Variants in COLQ observed in about 807,000 individuals in gnomAD.
COLQ encodes the protein acetylcholinesterase collagenic tail peptide.
A neutral mutation model predicts 69.0 loss-of-function variants in COLQ; 48 were observed. The observed-to-expected ratio is 0.70, with a 90% CI of 0.55 to 0.88. COLQ has a LOEUF of 0.88. Among genes scored for constraint, COLQ ranks in the 40% least tolerant of loss-of-function variants. The probability of loss-of-function intolerance (pLI) is 0.00; values close to 1 mark genes in which losing one functional copy is unlikely to be tolerated. For synonymous variants in COLQ, 217 were observed against 211.2 expected (o/e 1.03, Z -0.24); for missense variants, 618 against 594.6 (o/e 1.04, Z -0.41).
At chr3:15,500,437 A>G (rs909755074) in intron 1 of COLQ, among the ~76,000 whole-genome samples, 4 of 152,144 alleles carry the variant, frequency 2.6e-5, no homozygotes, top group African/African-American at 9.7e-5. Context: ...TTCACACCAA[A>G]AGCACTTACT....
At chr3:15,491,237 T>C (rs556741771) in intron 1 of COLQ, among the ~76,000 whole-genome samples, 1 of 152,288 alleles carries the variant, frequency 6.6e-6, no homozygotes, top group Non-Finnish European at 1.5e-5. Flanking sequence ...AATGCATGTA[T>C]TAAAATGTTC....
chr3:15,466,326 C>T lies in COLQ; in HGVS notation c.814+15G>A, dbSNP rs779982554. 1 of 1,589,014 alleles carries T rather than the reference C, an allele frequency of 6.3e-7. No individual in the cohort carries two copies. The highest frequency in any genetic ancestry group is 1.1e-5 in the South Asian group (1 of 90,522). The stretch of plus-strand genomic sequence containing the variant: ...TACTCCAACAGTGGATCAAGTGAAG[C>T]AGTGTAGCTCTTACCTGCAGGTGGG... On this transcript the variant is annotated intron_variant, in intron 12 of 16. Coordinates refer to ENST00000383788, the MANE Select transcript of COLQ (RefSeq NM_005677.4).
intron 3 of COLQ, among the ~76,000 whole-genome samples, chr3:15,486,635 C>T (rs890966035): frequency 4.6e-5 from 7 of 152,148 alleles, no homozygotes; most frequent in African/African-American, 1.4e-4. Context: ...GATAGAAATG[C>T]ACCTCCGAGG....
chr3:15,507,745 G>A (rs1174042621), intron 1 of COLQ, among the ~76,000 whole-genome samples: 2 of 152,184 alleles, frequency 1.3e-5, no homozygotes, highest in African/African-American at 4.8e-5. Flanking sequence ...GTGAGCCACT[G>A]CACCTAGCCT....
rs1017409793 is a variant in COLQ at position 15,458,416 on chromosome 3, A to T, written c.815-91T>A. 24 of 1,447,020 alleles carry T rather than the reference A, an allele frequency of 1.7e-5. No individual in the cohort carries two copies. The East Asian group carries it at 1.8e-4, about 11-fold the overall frequency. 89.6% of individuals were successfully genotyped at this position (1,447,020 alleles called of 1,614,324 possible). A position where few individuals can be genotyped will look rare whatever the true frequency, so the allele number is the denominator to read the frequency against. On this transcript the variant is annotated intron_variant, in intron 12 of 16. Transcript: ENST00000383788. ...GTGAGCGACCTTTGCAACAGAAAAA[A>T]GGTTAAAGTCCACAGCATTTCAGGG... is the stretch of plus-strand genomic sequence containing the variant.
intron 1 of COLQ, among the ~76,000 whole-genome samples, chr3:15,505,946 C>G (rs532185616): frequency 6.6e-6 from 1 of 152,236 alleles, no homozygotes; most frequent in Non-Finnish European, 1.5e-5. Flanking sequence ...CTGCACCCCC[C>G]ATCCCACCTC....
At chr3:15,454,662 T>A (rs994593010) in intron 15 of COLQ, among the ~76,000 whole-genome samples, 5 of 148,682 alleles carry the variant, frequency 3.4e-5, no homozygotes, top group African/African-American at 1.0e-4. Context: ...TTTTTTTTTT[T>A]TTTTTTTTTT....
intron 1 of COLQ, among the ~76,000 whole-genome samples, chr3:15,500,070 C>T (rs1033735658): frequency 3.9e-5 from 6 of 152,058 alleles, no homozygotes; most frequent in African/African-American, 7.2e-5. Context: ...AAATGGGTAA[C>T]GGTTGAGGGG....
chr3:15,473,895 C>T lies in COLQ; in HGVS notation c.636+105G>A. On this transcript the variant is annotated intron_variant, in intron 10 of 16. Transcript: ENST00000383788. This position sits in a 1 kb window ranked among gnomAD's most constrained non-coding sequence, Gnocchi z 4.0. ...AAAATAGAAGTTTCCATGGTTAAAC[C>T]CACCATCCCTGCCTGATAGACAAGG... 1 of 1,288,176 alleles carries T rather than the reference C, an allele frequency of 7.8e-7. No homozygotes were observed. The allele number at this position is 1,288,176 out of a possible 1,614,324, so 79.8% of individuals were successfully genotyped here. A position where few individuals can be genotyped will look rare whatever the true frequency, so the allele number is the denominator to read the frequency against.
chr3:15,478,998 C>T lies in COLQ; in HGVS notation c.372G>A (p.Glu124=). The change falls in exon 5 of 17, where the codon GAG becomes GAA. Residue 124 remains glutamate, a synonymous_variant. Transcript: ENST00000383788. Reference sequence around the variant, plus strand: ...ATACCTTCCTTCCTGGTCGGCCAAGCTCCCCCTATGGATGGAGAAGACAGG... The same window carrying T: ...ATACCTTCCTTCCTGGTCGGCCAAGTTCCCCCTATGGATGGAGAAGACAGG... The part of the protein sequence containing the change: ...GKTGPKGEKG[E]LGRPGRKGRP... 2 of 1,614,218 alleles carry T rather than the reference C, an allele frequency of 1.2e-6. No individual in the cohort carries two copies. Among genetic ancestry groups the T allele is most frequent in the African/African-American group, 1.3e-5 (1 of 75,026 alleles).
intron 1 of COLQ, among the ~76,000 whole-genome samples, chr3:15,504,705 C>T (rs2062882090): frequency 6.6e-6 from 1 of 152,092 alleles, no homozygotes; most frequent in South Asian, 2.1e-4. Context: ...CTAAAAAATA[C>T]AAAAATTAGC....
In COLQ at chr3:15,451,397, C is replaced by T. The variant is rs551512511; in HGVS notation, c.*247G>A. Reference sequence around the variant, plus strand: ...AGCCGGTTGTTTGGCCAAATGGTAGCGATGGGGAACAGGTCTCAGGTTGGG... The same window carrying T: ...AGCCGGTTGTTTGGCCAAATGGTAGTGATGGGGAACAGGTCTCAGGTTGGG... On this transcript the variant is annotated 3_prime_UTR_variant, in exon 17 of 17. Transcript: ENST00000383788. The T allele has an allele frequency of 9.1e-5, 59 of 647,094 alleles. No individual in the cohort carries two copies. Among genetic ancestry groups the T allele is most frequent in the Admixed American group, 5.2e-4 (22 of 42,272 alleles). 40.1% of individuals were successfully genotyped at this position (647,094 alleles called of 1,614,324 possible).
At chr3:15,483,329 T>C (rs2062523068) in intron 3 of COLQ, among the ~76,000 whole-genome samples, 1 of 152,222 alleles carries the variant, frequency 6.6e-6, no homozygotes, top group South Asian at 2.1e-4. Context: ...AGATCTTTCC[T>C]GCTTTCTCTT....
At chr3:15,475,065 G>A (rs748964215) in intron 7 of COLQ, 114 bp from the exon 8 acceptor site, 24 of 1,122,410 alleles carry the variant, frequency 2.1e-5, no homozygotes, top group Non-Finnish European at 3.3e-5. Context: ...ACATTGCACT[G>A]TGAGTTTTAG....
intron 12 of COLQ, 42 bp downstream of exon 12, chr3:15,466,299 A>G: frequency 7.0e-7 from 1 of 1,437,018 alleles, no homozygotes; most frequent in Non-Finnish European, 9.8e-7. Flanking sequence ...GAGGCTGGCC[A>G]GTACTCCAAC....
intron 1 of COLQ, among the ~76,000 whole-genome samples, chr3:15,520,595 G>C (rs2125195689): frequency 6.6e-6 from 1 of 152,340 alleles, no homozygotes; most frequent in East Asian, 1.9e-4. Flanking sequence ...GCTGGGGAGA[G>C]TCAGGGGTCA....
Position 15,455,777 on chromosome 3 carries a change from G to A in COLQ, c.1195+122C>T, listed in dbSNP as rs1055797262. 6.7e-6 allele frequency: 9 copies of A among 1,347,096 alleles called. No individual in the cohort carries two copies. The East Asian group carries it at 1.7e-4, about 26-fold the overall frequency. The allele number at this position is 1,347,096 out of a possible 1,614,324, so 83.4% of individuals were successfully genotyped here. On this transcript the variant is annotated intron_variant, in intron 15 of 16. Transcript: ENST00000383788. Reference sequence around the variant, plus strand: ...GGGGTGGGTGGCACAAGGTGGCCTGGGTATACCCTTCTCTGGCTCTAGAAA... The same window carrying A: ...GGGGTGGGTGGCACAAGGTGGCCTGAGTATACCCTTCTCTGGCTCTAGAAA...
intron 12 of COLQ, among the ~76,000 whole-genome samples, chr3:15,464,539 T>C (rs1241502129): frequency 2.0e-5 from 3 of 152,172 alleles, no homozygotes; most frequent in Non-Finnish European, 4.4e-5. Flanking sequence ...TTTGGCATCC[T>C]AGTAGGTTGG....
chr3:15,485,477 C>T (rs374667777), intron 3 of COLQ, among the ~76,000 whole-genome samples: 3 of 152,210 alleles, frequency 2.0e-5, no homozygotes, highest in African/African-American at 7.2e-5. Flanking sequence ...ACACTGAGGG[C>T]TATAGACTGG....
Sources: gnomAD v4.1 joint callset for allele counts (sites outside exome capture counted in the v4.1 genomes callset) on GRCh38, gnomAD v4.1.1 for gene constraint, Gnocchi (gnomAD v3.1) non-coding constraint, MANE v1.5 for transcripts, NCBI Gene and HGNC (gene_info 2026-07-23, HGNC 2026-07-21) for gene names.